PTPRK: variants seen among roughly 807,000 people sequenced by gnomAD.
The protein encoded by PTPRK is receptor-type tyrosine-protein phosphatase kappa.
Under a neutral mutation model 178.0 loss-of-function variants are expected in PTPRK, and 75 were observed. The ratio of observed to expected loss-of-function variants is 0.42; its 90% CI spans 0.35 to 0.51. The LOEUF is 0.51. Among genes scored for constraint, PTPRK ranks in the 20% least tolerant of loss-of-function variants. PTPRK has a pLI of 0.02. For synonymous variants in PTPRK, 637 were observed against 620.6 expected (o/e 1.03, Z -0.39); for missense variants, 1,441 against 1,797.8 (o/e 0.80, Z 3.59).
chr6:128,122,721 G>A (rs538024520), intron 7 of PTPRK, among the ~76,000 whole-genome samples: 6 of 152,236 alleles, frequency 3.9e-5, no homozygotes, highest in Admixed American at 2.0e-4. Flanking sequence ...AAGGATAACC[G>A]CAGTATGAAA....
intron 13 of PTPRK, among the ~76,000 whole-genome samples, chr6:128,056,864 C>T (rs1403698056): frequency 6.6e-6 from 1 of 152,112 alleles, no homozygotes; most frequent in Non-Finnish European, 1.5e-5. Context: ...GATTGTTCAG[C>T]AAATAATTAA....
At chr6:128,292,598 G>A (rs891411404) in intron 3 of PTPRK, among the ~76,000 whole-genome samples, 11 of 151,826 alleles carry the variant, frequency 7.2e-5, no homozygotes, top group African/African-American at 2.4e-5. Flanking sequence ...TTCACAACTC[G>A]GTGGATTTAT....
intron 1 of PTPRK, among the ~76,000 whole-genome samples, chr6:128,414,194 G>C (rs1238395783): frequency 1.3e-5 from 2 of 152,104 alleles, no homozygotes; most frequent in Admixed American, 6.6e-5. Context: ...CCTAGTATTA[G>C]AGTTTCAGAA....
rs1048817952 is a variant in PTPRK, at chr6:128,191,318, C to T, written c.869-6593G>A. ...GCCAGGCACAGAAAGACAAATACTG[C>T]GTGATCTCACTTATATGTGAAATCT... On this transcript the variant is annotated intron_variant, in intron 6 of 29. Coordinates refer to ENST00000368226, the MANE Select transcript of PTPRK (RefSeq NM_002844.4). Among the ~76,000 whole-genome samples the T allele has an allele frequency of 2.6e-5, 4 of 152,092 alleles. No individual in the cohort carries two copies. In the East Asian group the frequency reaches 5.8e-4, roughly 22 times the overall value.
At chr6:128,347,538 A>G (rs886430691) in intron 2 of PTPRK, among the ~76,000 whole-genome samples, 6 of 152,110 alleles carry the variant, frequency 3.9e-5, no homozygotes, top group African/African-American at 1.4e-4. Context: ...AAGAAGCAGG[A>G]AAGTCAAACC....
chr6:128,430,385 T>C (rs949168544), intron 1 of PTPRK, among the ~76,000 whole-genome samples: 1 of 152,236 alleles, frequency 6.6e-6, no homozygotes, highest in African/African-American at 2.4e-5. Flanking sequence ...TAACATATTT[T>C]ACAAAATCGA....
At chr6:128,249,571 A>G (rs1040197948) in intron 3 of PTPRK, among the ~76,000 whole-genome samples, 9 of 152,148 alleles carry the variant, frequency 5.9e-5, no homozygotes, top group Non-Finnish European at 1.2e-4. Flanking sequence ...AGTATGATAC[A>G]TATGCATAAA....
intron 1 of PTPRK, among the ~76,000 whole-genome samples, chr6:128,423,829 G>A (rs1381421246): frequency 6.6e-6 from 1 of 151,474 alleles, no homozygotes; most frequent in African/African-American, 2.4e-5. Context: ...GTCTGTCTCA[G>A]AAAAGAAATA....
At chr6:128,232,508 A>G (rs546135174) in intron 5 of PTPRK, among the ~76,000 whole-genome samples, 16 of 152,306 alleles carry the variant, frequency 1.1e-4, no homozygotes, top group African/African-American at 3.8e-4. Context: ...GGAGCAGCTC[A>G]TTGTAGTTTT....
At chr6:128,229,149 T>C (rs1811893761) in intron 5 of PTPRK, among the ~76,000 whole-genome samples, 1 of 152,156 alleles carries the variant, frequency 6.6e-6, no homozygotes, top group Admixed American at 6.6e-5. Flanking sequence ...ATAGTTACAT[T>C]TAGAAGTGAG....
At chr6:128,468,876 C>G (rs1850230472) in intron 1 of PTPRK, among the ~76,000 whole-genome samples, 1 of 147,912 alleles carries the variant, frequency 6.8e-6, no homozygotes, top group Non-Finnish European at 1.5e-5. Context: ...AATGAAAACA[C>G]TGCCTCAAGC....
rs1402703930 is a variant in PTPRK at position 127,998,707 on chromosome 6, A to C, written c.2679+13T>G. On this transcript the variant is annotated intron_variant, in intron 16 of 29. Transcript: ENST00000368226. Reference sequence around the variant, plus strand: ...TAAAAATCAAATTCAATACAGTATCAAAACTTATTCACCTCATATTCCTCT... The same window carrying C: ...TAAAAATCAAATTCAATACAGTATCCAAACTTATTCACCTCATATTCCTCT... 6.5e-7 allele frequency: 1 copy of C among 1,546,934 alleles called. No individual in the cohort carries two copies. The highest frequency in any genetic ancestry group is 2.3e-5 in the East Asian group (1 of 43,566).
At chr6:128,038,957 C>A (rs1462679424) in intron 13 of PTPRK, among the ~76,000 whole-genome samples, 1 of 152,118 alleles carries the variant, frequency 6.6e-6, no homozygotes, top group Non-Finnish European at 1.5e-5. Context: ...CTTTTAAAGA[C>A]TGGCACTAAT....
intron 7 of PTPRK, among the ~76,000 whole-genome samples, chr6:128,098,740 T>C (rs1476627005): frequency 1.3e-5 from 2 of 152,178 alleles, no homozygotes; most frequent in African/African-American, 4.8e-5. Context: ...GTACAGTAAT[T>C]TAAGAATTGC....
intron 7 of PTPRK, among the ~76,000 whole-genome samples, chr6:128,096,333 C>G (rs1787896608): frequency 6.6e-6 from 1 of 152,098 alleles, no homozygotes; most frequent in Admixed American, 6.6e-5. Context: ...AGTCACCTCT[C>G]AAGAGCAAGA....
intron 7 of PTPRK, among the ~76,000 whole-genome samples, chr6:128,137,055 C>T (rs555705160): frequency 6.6e-6 from 1 of 152,232 alleles, no homozygotes; most frequent in East Asian, 1.9e-4. Context: ...TGTAGGGTTC[C>T]ACTTGTGAGA....
chr6:128,017,166 T>C (rs779997515), intron 13 of PTPRK, among the ~76,000 whole-genome samples: 4 of 152,040 alleles, frequency 2.6e-5, no homozygotes, highest in Non-Finnish European at 4.4e-5. Flanking sequence ...ATTTTTAAAT[T>C]TGAACAATTA....
At chr6:128,464,638 C>CATATATATATATACACATATATAT (rs1849544400) in intron 1 of PTPRK, among the ~76,000 whole-genome samples, 17 of 48,596 alleles carry the variant, frequency 3.5e-4, no homozygotes, top group African/African-American at 1.6e-3. Context: ...TATATATACA[C>CATATATATATATACACATATATAT]ATATATATAT....
intron 13 of PTPRK, among the ~76,000 whole-genome samples, chr6:128,054,388 G>A (rs989815221): frequency 2.0e-5 from 3 of 152,146 alleles, no homozygotes; most frequent in South Asian, 4.1e-4. Context: ...TTATAAGTAT[G>A]TATTAAAAAT....
Sources: gnomAD v4.1 joint callset for allele counts (sites outside exome capture counted in the v4.1 genomes callset) on GRCh38, gnomAD v4.1.1 for gene constraint, MANE v1.5 for transcripts, NCBI Gene and HGNC (gene_info 2026-07-23, HGNC 2026-07-21) for gene names.